ADTRP: variants seen among roughly 807,000 people sequenced by gnomAD.
ADTRP encodes the protein androgen-dependent TFPI-regulating protein.
In ADTRP, 20 loss-of-function variants were observed where a neutral mutation model predicts 27.0. The observed-to-expected ratio is 0.74, with a 90% confidence interval of 0.52 to 1.08. The LOEUF (loss-of-function observed/expected upper bound fraction) is 1.08, where lower values mean the gene tolerates loss of function less well. Ranked by LOEUF, ADTRP falls within the 50% of genes least tolerant of loss-of-function variation. The probability of loss-of-function intolerance (pLI) is 0.00; values close to 1 mark genes in which losing one functional copy is unlikely to be tolerated. For missense variants in ADTRP, 251 were observed against 275.0 expected (o/e 0.91, Z 0.62); for synonymous variants, 101 against 105.2 (o/e 0.96, Z 0.25).
At chr6:11,759,565 T>C (rs192418119) in intron 3 of ADTRP, among the ~76,000 whole-genome samples, 17 of 152,278 alleles carry the variant, frequency 1.1e-4, no homozygotes, top group Admixed American at 1.0e-3. Context: ...ATATGTAGTG[T>C]AAGACAGCCT....
intron 5 of ADTRP, among the ~76,000 whole-genome samples, chr6:11,720,385 ACT>A (rs1291325585): frequency 6.6e-6 from 1 of 152,056 alleles, no homozygotes; most frequent in Non-Finnish European, 1.5e-5. Context: ...CTTGGTGGTC[ACT>A]CTACTTAGAG....
intron 4 of ADTRP, among the ~76,000 whole-genome samples, chr6:11,732,420 C>T (rs919776224): frequency 6.6e-6 from 1 of 152,152 alleles, no homozygotes; most frequent in Non-Finnish European, 1.5e-5. Flanking sequence ...TTCCCTAAAA[C>T]GTCTCCATGG....
chr6:11,734,706 ACT>A (rs200988424), intron 4 of ADTRP, among the ~76,000 whole-genome samples: 11,410 of 148,538 alleles, frequency 0.077, 493 homozygotes, highest in Non-Finnish European at 0.1. Context: ...TTTGGAATGC[ACT>A]CTCTCTCTCT....
chr6:11,745,386 G>A (rs1377998788), intron 3 of ADTRP, among the ~76,000 whole-genome samples: 1 of 152,138 alleles, frequency 6.6e-6, no homozygotes, highest in Non-Finnish European at 1.5e-5. Context: ...ATAAGATATG[G>A]TCTTTGAACT....
At chr6:11,728,576 C>G (rs1762288999) in intron 4 of ADTRP, 1 of 152,228 alleles carries the variant, frequency 6.6e-6, no homozygotes, top group East Asian at 1.9e-4. Flanking sequence ...TCCTGAAGCT[C>G]TCTCCCCCAA....
rs1041423713 is a variant in ADTRP, at chr6:11,769,985, A to G, written c.154-1602T>C. On this transcript the variant is annotated intron_variant, in intron 1 of 5. Coordinates refer to ENST00000414691, the MANE Select transcript of ADTRP (RefSeq NM_032744.4). ...ACAACCTTACGAGCCAAGTCCTATCATTAGACTCCCCCGCCCACCACCATT... is the reference window on the plus strand; with the variant it reads ...ACAACCTTACGAGCCAAGTCCTATCGTTAGACTCCCCCGCCCACCACCATT... The G allele has an allele frequency of 4.5e-6, 7 of 1,545,270 alleles. No individual in the cohort carries two copies. The African/African-American group carries it at 8.2e-5, about 18-fold the overall frequency.
chr6:11,738,507 A>G (rs922118524), intron 3 of ADTRP: 13 of 152,344 alleles, frequency 8.5e-5, no homozygotes, highest in African/African-American at 3.1e-4. Context: ...TCCAACCTCT[A>G]TTAAAAACCA....
chr6:11,742,539 T>A (rs927697185), intron 3 of ADTRP, among the ~76,000 whole-genome samples: 5 of 152,190 alleles, frequency 3.3e-5, no homozygotes, highest in East Asian at 1.9e-4. Flanking sequence ...AAGAGAGAGA[T>A]GAAATGTACA....
intron 2 of ADTRP, among the ~76,000 whole-genome samples, 161 bp from the exon 3 acceptor site, chr6:11,766,536 T>G (rs899341994): frequency 5.3e-5 from 8 of 152,252 alleles, no homozygotes; most frequent in Admixed American, 3.3e-4. Flanking sequence ...ACAGTAATTC[T>G]ACAATAAGCA....
intron 4 of ADTRP, among the ~76,000 whole-genome samples, chr6:11,724,062 A>AAAACAAACAAAC (rs34211710): frequency 0.014 from 2,044 of 149,890 alleles, 41 homozygotes; most frequent in African/African-American, 0.045. Flanking sequence ...CTTTGTCTCA[A>AAAACAAACAAAC]AAACAAACAA....
At chr6:11,769,932 A>G (rs921847880) in intron 1 of ADTRP, 5 of 1,300,088 alleles carry the variant, frequency 3.8e-6, no homozygotes, top group Non-Finnish European at 5.4e-6. Flanking sequence ...GGTATGTGCC[A>G]GGCACTGAAC....
intron 3 of ADTRP, among the ~76,000 whole-genome samples, chr6:11,761,248 TACACAA>T (rs71550779): frequency 9.1e-4 from 138 of 152,318 alleles, no homozygotes; most frequent in Admixed American, 2.8e-3. Context: ...CTGCCTTTTT[TACACAA>T]ACACACCCAC....
intron 4 of ADTRP, among the ~76,000 whole-genome samples, chr6:11,733,257 A>G (rs1001311207): frequency 2.0e-5 from 3 of 152,254 alleles, no homozygotes; most frequent in Admixed American, 1.3e-4. Flanking sequence ...CACTTCAGCC[A>G]GAATCATCTT....
At chr6:11,766,245 T>C in intron 3 of ADTRP, 29 bp downstream of exon 3, 1 of 1,543,768 alleles carries the variant, frequency 6.5e-7, no homozygotes, top group Non-Finnish European at 8.9e-7. Flanking sequence ...ATTGGTGTTC[T>C]GAGTTCACTG....
At chr6:11,741,870 C>G (rs562449165) in intron 3 of ADTRP, among the ~76,000 whole-genome samples, 9 of 152,160 alleles carry the variant, frequency 5.9e-5, no homozygotes, top group African/African-American at 2.2e-4. Context: ...TAATAACACC[C>G]TACACACCTG....
At chr6:11,726,103 T>G (rs555814924) in intron 4 of ADTRP, among the ~76,000 whole-genome samples, 2 of 152,098 alleles carry the variant, frequency 1.3e-5, no homozygotes, top group African/African-American at 4.8e-5. Flanking sequence ...CAGATCAACT[T>G]TGAAGACATG....
chr6:11,739,466 A>C (rs796346116), intron 3 of ADTRP, among the ~76,000 whole-genome samples: 9 of 152,332 alleles, frequency 5.9e-5, no homozygotes, highest in African/African-American at 2.2e-4. Flanking sequence ...ACCATCCTCC[A>C]TAAAATGCCA....
At chr6:11,764,608 T>A (rs1581363295) in intron 3 of ADTRP, among the ~76,000 whole-genome samples, 1 of 152,042 alleles carries the variant, frequency 6.6e-6, no homozygotes, top group Non-Finnish European at 1.5e-5. Context: ...GAGGTCCTTT[T>A]GATTGCCTGG....
At chr6:11,740,080 A>ACCCTCTCAG (rs1762670624) in intron 3 of ADTRP, among the ~76,000 whole-genome samples, 2 of 152,014 alleles carry the variant, frequency 1.3e-5, no homozygotes, top group African/African-American at 4.8e-5. Flanking sequence ...ACTGACTTTG[A>ACCCTCTCAG]CCCTCTCAGA....
Sources: allele counts gnomAD v4.1 joint callset (sites outside exome capture counted in the v4.1 genomes callset), GRCh38; gene constraint gnomAD v4.1.1; transcripts MANE v1.5; gene names NCBI Gene and HGNC (gene_info 2026-07-23, HGNC 2026-07-21).